The following RRAS2 variants were observed in gnomAD, a reference collection of about 807,000 sequenced individuals.
The protein encoded by RRAS2 is ras-related protein R-Ras2.
RRAS2 carries 7 observed loss-of-function variants against 27.6 expected under a neutral mutation model. The observed-to-expected ratio is 0.25, with a 90% CI of 0.14 to 0.48. RRAS2 has a LOEUF of 0.48. Among genes scored for constraint, RRAS2 ranks in the 20% least tolerant of loss-of-function variants. The probability of loss-of-function intolerance (pLI) is 0.99; values close to 1 mark genes in which losing one functional copy is unlikely to be tolerated. For missense variants in RRAS2, 178 were observed against 256.2 expected (o/e 0.69, Z 2.08); for synonymous variants, 86 against 90.9 (o/e 0.95, Z 0.31).
intron 1 of RRAS2, among the ~76,000 whole-genome samples, chr11:14,334,857 T>A (rs948598258): frequency 6.6e-6 from 1 of 152,188 alleles, no homozygotes; most frequent in African/African-American, 2.4e-5. Context: ...ACAAGACACC[T>A]TCTTTTTCTA....
intron 1 of RRAS2, among the ~76,000 whole-genome samples, chr11:14,336,816 A>C (rs1848596908): frequency 6.6e-6 from 1 of 152,220 alleles, no homozygotes; most frequent in Non-Finnish European, 1.5e-5. Flanking sequence ...AGAGCTGAAA[A>C]AGTACATGAA....
intron 4 of RRAS2, among the ~76,000 whole-genome samples, chr11:14,283,680 T>C (rs1849598717): frequency 6.6e-6 from 1 of 152,224 alleles, no homozygotes; most frequent in Non-Finnish European, 1.5e-5. Context: ...TTTAACTTGC[T>C]GAATTTATTG....
At chr11:14,281,799 C>T in intron 4 of RRAS2, 79 bp from the exon 5 acceptor site, 1 of 1,268,120 alleles carries the variant, frequency 7.9e-7, no homozygotes, top group East Asian at 2.5e-5. Flanking sequence ...ACAGATTGTG[C>T]TAATAATTCA....
chr11:14,327,374 T>C (rs537472852), intron 1 of RRAS2, among the ~76,000 whole-genome samples: 63 of 152,260 alleles, frequency 4.1e-4, no homozygotes, highest in Non-Finnish European at 1.9e-4. Context: ...AGTTGTCTTC[T>C]TCAGAGTTAA....
At chr11:14,328,364 C>T (rs557651717) in intron 1 of RRAS2, among the ~76,000 whole-genome samples, 143 of 15,638 alleles carry the variant, frequency 9.1e-3, no homozygotes, top group African/African-American at 0.018. Flanking sequence ...AAAACTCCAA[C>T]TCAAAAAAAA....
chr11:14,321,905 G>A (rs1446231063), intron 1 of RRAS2, among the ~76,000 whole-genome samples: 2 of 152,076 alleles, frequency 1.3e-5, no homozygotes, highest in African/African-American at 4.8e-5. Context: ...GTAATCATAT[G>A]ACAATGATTA....
chr11:14,358,588 G>T lies in RRAS2; in HGVS notation c.108+175C>A, dbSNP rs1361937317. On this transcript the variant is annotated intron_variant, in intron 1 of 5. Coordinates refer to ENST00000256196, the MANE Select transcript of RRAS2 (RefSeq NM_012250.6). This position sits in a 1 kb window ranked among gnomAD's most constrained non-coding sequence, Gnocchi z 5.1. ...CGCGCCCGGGAGGAGGCAGGAGCGCGACGCTGCGGCCGCAGGGCAGGAGCG... is the reference window on the plus strand; with the variant it reads ...CGCGCCCGGGAGGAGGCAGGAGCGCTACGCTGCGGCCGCAGGGCAGGAGCG... 2.9e-5 allele frequency: 29 copies of T among 985,856 alleles called. No homozygotes were observed. The highest frequency in any genetic ancestry group is 2.3e-4 in the East Asian group (2 of 8,828). The allele number at this position is 985,856 out of a possible 1,614,324, so 61.1% of individuals were successfully genotyped here.
At chr11:14,290,503 G>A (rs1163733625) in intron 4 of RRAS2, among the ~76,000 whole-genome samples, 2 of 152,136 alleles carry the variant, frequency 1.3e-5, no homozygotes, top group Non-Finnish European at 2.9e-5. Flanking sequence ...TCATGCTATA[G>A]TATCTCAATT....
In RRAS2 at chr11:14,334,531, T is replaced by TACAC. The variant is rs145228825; in HGVS notation, c.108+24228_108+24231dup. Among the ~76,000 whole-genome samples, 544 of 143,846 alleles carry TACAC rather than the reference T, an allele frequency of 3.8e-3. 2 individuals carry two copies. The highest frequency in any genetic ancestry group is 0.011 in the Middle Eastern group (3 of 282). The allele number at this position is 143,846 out of a possible 152,430, so 94.4% of individuals were successfully genotyped here. A position where few individuals can be genotyped will look rare whatever the true frequency, so the allele number is the denominator to read the frequency against. On this transcript the variant is annotated intron_variant, in intron 1 of 5. Transcript: ENST00000256196. The stretch of plus-strand genomic sequence containing the variant: ...AACTTTTTTGAAAAGCATCCATACA[T>TACAC]ACACACACACACACACACACACACA...
intron 1 of RRAS2, among the ~76,000 whole-genome samples, chr11:14,325,514 T>C (rs1433387036): frequency 6.6e-6 from 1 of 152,150 alleles, no homozygotes; most frequent in Non-Finnish European, 1.5e-5. Flanking sequence ...TTAGCCAGAA[T>C]GGTCTCGATC....
At chr11:14,342,512 CA>C (rs1169622081) in intron 1 of RRAS2, among the ~76,000 whole-genome samples, 2 of 152,058 alleles carry the variant, frequency 1.3e-5, no homozygotes, top group Admixed American at 1.3e-4. Flanking sequence ...AATTAAAAAA[CA>C]AAACTTGAAA....
intron 1 of RRAS2, chr11:14,308,452 G>C (rs1847881131): frequency 4.4e-6 from 1 of 225,198 alleles, no homozygotes; most frequent in Admixed American, 5.8e-5. Context: ...TAAATGAGGG[G>C]TTTGCCCTTC....
chr11:14,289,764 A>T (rs570666658), intron 4 of RRAS2, among the ~76,000 whole-genome samples: 1 of 152,356 alleles, frequency 6.6e-6, no homozygotes, highest in South Asian at 2.1e-4. Context: ...GCCATAAGCA[A>T]GCAAGCAAAG....
At chr11:14,301,218 T>C (rs986027617) in intron 1 of RRAS2, among the ~76,000 whole-genome samples, 2 of 152,246 alleles carry the variant, frequency 1.3e-5, no homozygotes, top group African/African-American at 4.8e-5. Context: ...TATATGGTTG[T>C]AGGTTCTCTG....
At chr11:14,286,055 T>C (rs1849654474) in intron 4 of RRAS2, among the ~76,000 whole-genome samples, 1 of 152,222 alleles carries the variant, frequency 6.6e-6, no homozygotes, top group South Asian at 2.1e-4. Context: ...GACATTGTAG[T>C]TTTACTTCTG....
chr11:14,348,723 G>A (rs1389035506), intron 1 of RRAS2, among the ~76,000 whole-genome samples: 1 of 152,110 alleles, frequency 6.6e-6, no homozygotes, highest in Non-Finnish European at 1.5e-5. Context: ...ACTACAAGAT[G>A]CTCCAAGCAT....
chr11:14,304,156 A>T (rs1158946671), intron 1 of RRAS2, among the ~76,000 whole-genome samples: 3 of 152,166 alleles, frequency 2.0e-5, no homozygotes, highest in Non-Finnish European at 2.9e-5. Context: ...ATAGATTTGT[A>T]TACTAAACCT....
At chr11:14,283,446 C>T (rs1454124517) in intron 4 of RRAS2, among the ~76,000 whole-genome samples, 21 of 152,162 alleles carry the variant, frequency 1.4e-4, no homozygotes, top group Admixed American at 1.4e-3. Context: ...ATTTTCTCTC[C>T]TCTTCAATGT....
At position 14,284,821 on chromosome 11, in the gene RRAS2, T is replaced by C. The variant is rs555816893; in HGVS notation, c.409-3101A>G. ...ATAGCTACTTTAATTATTTTCATTA[T>C]TGCTAGCCAGGCAATCATGAAAATA... On this transcript the variant is annotated intron_variant, in intron 4 of 5. Transcript: ENST00000256196. Among the ~76,000 whole-genome samples the C allele has an allele frequency of 1.2e-4, 18 of 152,326 alleles. No homozygotes were observed. In the South Asian group the frequency reaches 3.5e-3, roughly 30 times the overall value.
Sources: gnomAD v4.1 joint callset for allele counts (sites outside exome capture counted in the v4.1 genomes callset) on GRCh38, gnomAD v4.1.1 for gene constraint, Gnocchi (gnomAD v3.1) non-coding constraint, MANE v1.5 for transcripts, NCBI Gene and HGNC (gene_info 2026-07-23, HGNC 2026-07-21) for gene names.